Variants in EVC2 observed in about 807,000 individuals in gnomAD.
EVC2 encodes limbin.
EVC2 carries 148 observed loss-of-function variants against 149.3 expected under a neutral mutation model. That is an observed-to-expected ratio of 0.99 (90% CI 0.87 to 1.14). The LOEUF (loss-of-function observed/expected upper bound fraction) is 1.14, where lower values mean the gene tolerates loss of function less well. Among genes scored for constraint, EVC2 ranks in the 50% most tolerant of loss-of-function variants. The probability of loss-of-function intolerance (pLI) is 0.00; values close to 1 mark genes in which losing one functional copy is unlikely to be tolerated. For synonymous variants in EVC2, 776 were observed against 649.9 expected (o/e 1.19, Z -2.95); for missense variants, 1,854 against 1,627.3 (o/e 1.14, Z -2.40).
intron 16 of EVC2, among the ~76,000 whole-genome samples, chr4:5,612,921 CCAAAAAAAA>C (rs1714957284): frequency 1.4e-5 from 1 of 69,156 alleles, no homozygotes; most frequent in African/African-American, 5.1e-5. Context: ...GACTCTGTCT[CCAAAAAAAA>C]AAAAAAAAAA....
At chr4:5,685,616 C>A in intron 5 of EVC2, 137 bp from the exon 6 acceptor site, 5 of 684,702 alleles carry the variant, frequency 7.3e-6, no homozygotes, top group Middle Eastern at 7.7e-4. Context: ...ATGCCTGCAG[C>A]AAGGAAGCCC....
At chr4:5,703,733 C>T (rs1721969352) in intron 1 of EVC2, among the ~76,000 whole-genome samples, 1 of 152,014 alleles carries the variant, frequency 6.6e-6, no homozygotes, top group Non-Finnish European at 1.5e-5. Context: ...AGGAAAATTA[C>T]AAGCAAAATC....
intron 21 of EVC2, among the ~76,000 whole-genome samples, chr4:5,547,827 G>C (rs1398192712): frequency 6.6e-6 from 1 of 152,182 alleles, no homozygotes; most frequent in Non-Finnish European, 1.5e-5. Flanking sequence ...TGTTGTGGTT[G>C]AAGAGAAGAG....
At chr4:5,619,273 G>C (rs1373763640) in intron 14 of EVC2, among the ~76,000 whole-genome samples, 1 of 152,144 alleles carries the variant, frequency 6.6e-6, no homozygotes, top group Non-Finnish European at 1.5e-5. Context: ...GGTTTATTTG[G>C]AAATAGGGTA....
chr4:5,654,007 A>T (rs1718328032), intron 9 of EVC2, among the ~76,000 whole-genome samples: 1 of 152,190 alleles, frequency 6.6e-6, no homozygotes, highest in Non-Finnish European at 1.5e-5. Flanking sequence ...TGAGGTAAGG[A>T]GTTCGACACC....
chr4:5,579,655 A>G (rs892398058), intron 17 of EVC2, among the ~76,000 whole-genome samples: 1 of 152,186 alleles, frequency 6.6e-6, no homozygotes, highest in African/African-American at 2.4e-5. Flanking sequence ...CAGCCTGGCC[A>G]ACATGGTGAA....
Position 5,569,230 on chromosome 4 carries a change from G to A in EVC2, c.3361-590C>T, listed in dbSNP as rs1023798203. 1.3e-5 allele frequency among the ~76,000 whole-genome samples: 2 copies of A among 152,356 alleles called. No individual in the cohort carries two copies. The highest frequency in any genetic ancestry group is 4.8e-5 in the African/African-American group (2 of 41,582). ...AACTGGAGAGCGGCAGTGGATGCCA[G>A]GTGTGGGGCAGGGGAGGTGGGTGTG... On this transcript the variant is annotated intron_variant, in intron 19 of 21. Coordinates refer to ENST00000344408, the MANE Select transcript of EVC2 (RefSeq NM_147127.5). This position sits in a 1 kb window ranked among gnomAD's most constrained non-coding sequence, Gnocchi z 4.8.
At chr4:5,597,006 C>T (rs965677142) in intron 16 of EVC2, among the ~76,000 whole-genome samples, 25 of 152,324 alleles carry the variant, frequency 1.6e-4, no homozygotes, top group African/African-American at 6.0e-4. Context: ...CCTCCCAAGA[C>T]TAAACCAGGA....
At chr4:5,699,160 T>C (rs114350290) in intron 1 of EVC2, among the ~76,000 whole-genome samples, 5 of 151,956 alleles carry the variant, frequency 3.3e-5, no homozygotes, top group African/African-American at 1.2e-4. Context: ...GAGGAAATGA[T>C]GGAAATTGCA....
intron 10 of EVC2, among the ~76,000 whole-genome samples, chr4:5,638,109 C>A (rs1258149194): frequency 6.6e-6 from 1 of 152,016 alleles, no homozygotes; most frequent in African/African-American, 2.4e-5. Flanking sequence ...AAAAAATTGG[C>A]CATGCGTGGT....
intron 3 of EVC2, among the ~76,000 whole-genome samples, chr4:5,691,664 T>A (rs749739336): frequency 5.2e-4 from 79 of 152,262 alleles, no homozygotes; most frequent in Non-Finnish European, 8.4e-4. Flanking sequence ...TCATTTAACA[T>A]GTACCGTGTG....
rs1452222368 is a variant in EVC2 at position 5,708,356 on chromosome 4, G to C, written c.158C>G (p.Ala53Gly). 10 of 1,486,346 alleles carry C rather than the reference G, an allele frequency of 6.7e-6. No individual in the cohort carries two copies. Among genetic ancestry groups the C allele is most frequent in the Non-Finnish European group, 8.9e-6 (10 of 1,124,598 alleles). 92.1% of individuals were successfully genotyped at this position (1,486,346 alleles called of 1,614,324 possible). A position where few individuals can be genotyped will look rare whatever the true frequency, so the allele number is the denominator to read the frequency against. ...GAQPPRDPQV[A>G]PRSGPGLRIP... ...CCTCAGGCCGGGCCCAGACCTAGGAGCCACCTGGGGATCCCGGGGTGGCTG... is the reference window on the plus strand; with the variant it reads ...CCTCAGGCCGGGCCCAGACCTAGGACCCACCTGGGGATCCCGGGGTGGCTG... Residue 53 changes from alanine to glycine, a missense_variant, in exon 1 of 22, where the codon GCT becomes GGT. By Grantham distance (60) the Ala-to-Gly change is moderately conservative. Coordinates refer to ENST00000344408, the MANE Select transcript of EVC2 (RefSeq NM_147127.5).
intron 21 of EVC2, among the ~76,000 whole-genome samples, chr4:5,553,054 A>G (rs1254842047): frequency 6.6e-6 from 1 of 152,216 alleles, no homozygotes; most frequent in Non-Finnish European, 1.5e-5. Context: ...ATTGCTATAA[A>G]GAAATACCCG....
intron 9 of EVC2, among the ~76,000 whole-genome samples, chr4:5,648,745 T>G (rs1417094566): frequency 6.6e-6 from 1 of 152,196 alleles, no homozygotes; most frequent in Non-Finnish European, 1.5e-5. Flanking sequence ...AGAGGCACTC[T>G]TTATTGTAAC....
In EVC2 at chr4:5,562,531, A is replaced by T; in HGVS notation, c.*317T>A. ...CATAAGAGTAGAGAATCTGGCTGTC[A>T]CCACACAGACCATAGCTTCTGCAGC... On this transcript the variant is annotated 3_prime_UTR_variant, in exon 22 of 22. Transcript: ENST00000344408. This position sits in a 1 kb window ranked among gnomAD's most constrained non-coding sequence, Gnocchi z 4.3. 1 of 1,241,528 alleles carries T rather than the reference A, an allele frequency of 8.1e-7. No individual in the cohort carries two copies. Among genetic ancestry groups the T allele is most frequent in the South Asian group, 2.1e-5 (1 of 46,732 alleles). 76.9% of individuals were successfully genotyped at this position (1,241,528 alleles called of 1,614,324 possible). A position where few individuals can be genotyped will look rare whatever the true frequency, so the allele number is the denominator to read the frequency against.
At chr4:5,551,709 C>T (rs1577088575) in intron 21 of EVC2, among the ~76,000 whole-genome samples, 1 of 152,128 alleles carries the variant, frequency 6.6e-6, no homozygotes, top group Admixed American at 6.5e-5. Flanking sequence ...ATTATGGTTT[C>T]ACTATGTCCC....
rs370244739 is a variant in EVC2 at position 5,590,531 on chromosome 4, C to A, written c.2830-5681G>T. Among the ~76,000 whole-genome samples the A allele has an allele frequency of 2.7e-4, 41 of 152,274 alleles. 1 individual carries two copies. In the East Asian group the frequency reaches 7.3e-3, roughly 27 times the overall value. On this transcript the variant is annotated intron_variant, in intron 16 of 21. Transcript: ENST00000344408. The stretch of plus-strand genomic sequence containing the variant: ...AAACCAGCTCTTCCAAAAGACTCCA[C>A]CCCAATATCAACCAACTGCCTGACA...
Position 5,697,632 on chromosome 4 carries a change from T to G in EVC2, c.244A>C (p.Ile82Leu), listed in dbSNP as rs1267037797. 13 of 1,613,876 alleles carry G rather than the reference T, an allele frequency of 8.1e-6. No individual in the cohort carries two copies. The highest frequency in any genetic ancestry group is 1.1e-5 in the Non-Finnish European group (13 of 1,179,992). The change falls in exon 2 of 22, where the codon ATT (isoleucine) becomes CTT (leucine). Residue 82 changes from isoleucine to leucine, a missense_variant. Physicochemically the swap from Ile to Leu is conservative, Grantham distance 5. Transcript: ENST00000344408. The part of the protein sequence containing the change: ...ESSTQDLPCM[I>L]WPKVECCHFK... ...TGACAGCATTCCACTTTGGGCCAAATCATACAGGGCAAGTCCTAAAAAATT... is the reference window on the plus strand; with the variant it reads ...TGACAGCATTCCACTTTGGGCCAAAGCATACAGGGCAAGTCCTAAAAAATT...
At chr4:5,655,788 A>T (rs1474216488) in intron 9 of EVC2, among the ~76,000 whole-genome samples, 10 of 58,242 alleles carry the variant, frequency 1.7e-4, no homozygotes, top group Non-Finnish European at 3.0e-4. Context: ...GAAGAGAGGG[A>T]GGGAGGGAGG....
Sources: allele counts gnomAD v4.1 joint callset (sites outside exome capture counted in the v4.1 genomes callset), GRCh38; gene constraint gnomAD v4.1.1; non-coding constraint Gnocchi (gnomAD v3.1); transcripts MANE v1.5; gene names NCBI Gene and HGNC (gene_info 2026-07-23, HGNC 2026-07-21).